TEX9: variants seen among roughly 807,000 people sequenced by gnomAD.
TEX9 encodes the protein testis expressed 9.
Under a neutral mutation model 59.6 loss-of-function variants are expected in TEX9, and 74 were observed. That is an observed-to-expected ratio of 1.24 (90% CI 1.03 to 1.51). TEX9 has a LOEUF of 1.51. TEX9 is among the 40% of genes most tolerant of loss of function. The pLI, the probability that TEX9 is intolerant of heterozygous loss-of-function variation, is 0.00. For missense variants in TEX9, 522 were observed against 447.8 expected (o/e 1.17, Z -1.49); for synonymous variants, 186 against 152.2 (o/e 1.22, Z -1.64).
At chr15:56,346,267 C>T (rs547913229) in intron 1 of TEX9, among the ~76,000 whole-genome samples, 4 of 152,204 alleles carry the variant, frequency 2.6e-5, no homozygotes, top group African/African-American at 7.2e-5. Flanking sequence ...AGGGAGTGAG[C>T]TCAAGTATGA....
intron 1 of TEX9, among the ~76,000 whole-genome samples, chr15:56,265,610 C>A (rs549918585): frequency 2.6e-5 from 4 of 152,214 alleles, no homozygotes; most frequent in South Asian, 2.1e-4. Flanking sequence ...GTAAGTTCTT[C>A]TGTGACCCAT....
intron 1 of TEX9, among the ~76,000 whole-genome samples, chr15:56,307,625 A>G (rs2045514030): frequency 6.6e-6 from 1 of 152,168 alleles, no homozygotes; most frequent in African/African-American, 2.4e-5. Context: ...TAAATCATTC[A>G]ATGCAGTGGT....
intron 12 of TEX9, among the ~76,000 whole-genome samples, chr15:56,430,431 C>T (rs2050555654): frequency 6.6e-6 from 1 of 152,120 alleles, no homozygotes; most frequent in East Asian, 1.9e-4. Context: ...GTCTTGAACT[C>T]CTGGGCTCAG....
Position 56,443,619 on chromosome 15 carries a change from G to A in TEX9, c.*30-2052G>A, listed in dbSNP as rs191250337. On this transcript the variant is annotated intron_variant, in intron 12 of 12. Coordinates refer to ENST00000352903, the Ensembl canonical transcript of TEX9. ...ATTTCAGAATTTTACTAGTGTTAAA[G>A]AAGTGGTTATTTTAATACCGCATTC... The A allele has an allele frequency of 7.4e-5, 118 of 1,605,426 alleles. No individual in the cohort carries two copies. The African/African-American group carries it at 1.0e-3, about 14-fold the overall frequency.
intron 9 of TEX9, among the ~76,000 whole-genome samples, chr15:56,403,208 G>A (rs1297630408): frequency 6.6e-6 from 1 of 152,252 alleles, no homozygotes; most frequent in Non-Finnish European, 1.5e-5. Context: ...CCTGTTTGCA[G>A]ATGACATGAT....
intron 1 of TEX9, among the ~76,000 whole-genome samples, chr15:56,309,701 T>TTTTTTTTTTG (rs2045564059): frequency 2.4e-5 from 3 of 126,534 alleles, no homozygotes; most frequent in African/African-American, 8.7e-5. Flanking sequence ...AAGTTTTTTT[T>TTTTTTTTTTG]TTTTTTTTTT....
chr15:56,401,834 A>G (rs1386320835), intron 9 of TEX9, among the ~76,000 whole-genome samples: 1 of 152,222 alleles, frequency 6.6e-6, no homozygotes, highest in Non-Finnish European at 1.5e-5. Context: ...AACTCACTCA[A>G]AACCACACAA....
At chr15:56,438,346 CAA>C (rs1482264362) in intron 12 of TEX9, among the ~76,000 whole-genome samples, 3 of 151,142 alleles carry the variant, frequency 2.0e-5, no homozygotes, top group Non-Finnish European at 3.0e-5. Flanking sequence ...TTTTTTGTTA[CAA>C]AAAAGACAGG....
the TEX9 span, among the ~76,000 whole-genome samples, chr15:56,452,469 C>T: frequency 2.0e-5 from 3 of 151,940 alleles, no homozygotes; most frequent in East Asian, 3.9e-4. Flanking sequence ...TCCAGACTCC[C>T]AGAAAGAAAA....
chr15:56,297,090 A>G (rs1337107364), intron 1 of TEX9, among the ~76,000 whole-genome samples: 4 of 152,230 alleles, frequency 2.6e-5, no homozygotes, highest in Non-Finnish European at 5.9e-5. Context: ...ATATTATAGA[A>G]AAAATAATGT....
At chr15:56,319,380 CAT>C (rs1489959555) in intron 1 of TEX9, among the ~76,000 whole-genome samples, 1 of 151,122 alleles carries the variant, frequency 6.6e-6, no homozygotes, top group African/African-American at 2.4e-5. Context: ...CAAAACAAGA[CAT>C]ATACATAAGA....
At chr15:56,435,198 T>G (rs1294278254) in intron 12 of TEX9, among the ~76,000 whole-genome samples, 1 of 151,966 alleles carries the variant, frequency 6.6e-6, no homozygotes, top group African/African-American at 2.4e-5. Context: ...AATGTATATA[T>G]ATAGCACTAA....
At chr15:56,333,317 A>C (rs2046194014) in intron 1 of TEX9, among the ~76,000 whole-genome samples, 1 of 152,192 alleles carries the variant, frequency 6.6e-6, no homozygotes, top group Admixed American at 6.5e-5. Flanking sequence ...ATCATTCATC[A>C]TGACTAAGTA....
In TEX9 at chr15:56,391,260, C is replaced by A. The variant is rs149245406; in HGVS notation, c.413C>A (p.Ser138Tyr). The A allele has an allele frequency of 1.7e-5, 27 of 1,567,268 alleles. No homozygotes were observed. The African/African-American group carries it at 2.6e-4, about 15-fold the overall frequency. The stretch of plus-strand genomic sequence containing the variant: ...TTTTTTAGTGTTAAATTGAAATACT[C>A]TGATGTCCAAACTGCCGACGATGTT... Residue 138 changes from serine (S) to tyrosine (Y), a missense_variant, in exon 7 of 13, where the codon TCT becomes TAT. Ser to Tyr is a moderately radical substitution (Grantham distance 144). Coordinates refer to ENST00000352903, the Ensembl canonical transcript of TEX9.
chr15:56,427,694 G>T (rs1240701109), exon 11 of TEX9: 1 of 1,519,926 alleles, frequency 6.6e-7, no homozygotes, highest in East Asian at 2.5e-5. Flanking sequence ...TAATGATAGG[G>T]TTCAAGAAAC....
chr15:56,398,700 G>A (rs1257682496), intron 9 of TEX9, among the ~76,000 whole-genome samples: 1 of 152,020 alleles, frequency 6.6e-6, no homozygotes, highest in Non-Finnish European at 1.5e-5. Flanking sequence ...ATTGTATACT[G>A]TACTTTGTCA....
At chr15:56,426,626 T>TACATAC (rs1555447102) in intron 10 of TEX9, among the ~76,000 whole-genome samples, 1 of 47,178 alleles carries the variant, frequency 2.1e-5, no homozygotes, top group African/African-American at 5.3e-5. Flanking sequence ...TATATATATA[T>TACATAC]ACACACACAC....
At chr15:56,291,836 TTACTGA>T (rs2045102169) in intron 1 of TEX9, among the ~76,000 whole-genome samples, 1 of 152,206 alleles carries the variant, frequency 6.6e-6, no homozygotes, top group African/African-American at 2.4e-5. Flanking sequence ...AGCATTTAAT[TTACTGA>T]TATGAGATCC....
intron 1 of TEX9, among the ~76,000 whole-genome samples, chr15:56,259,556 A>C (rs1226242775): frequency 6.6e-6 from 1 of 152,076 alleles, no homozygotes; most frequent in African/African-American, 2.4e-5. Context: ...TACATCAAGT[A>C]TATATATGAG....
Sources: allele counts gnomAD v4.1 joint callset (sites outside exome capture counted in the v4.1 genomes callset), GRCh38; gene constraint gnomAD v4.1.1; transcripts MANE v1.5; gene names NCBI Gene and HGNC (gene_info 2026-07-23, HGNC 2026-07-21).